Variants in MRPL48 observed in about 807,000 individuals in gnomAD.
The protein encoded by MRPL48 is mitochondrial ribosomal protein L48.
MRPL48 carries 16 observed loss-of-function variants against 32.9 expected under a neutral mutation model. The ratio of observed to expected loss-of-function variants is 0.49; its 90% CI spans 0.33 to 0.74. The LOEUF (loss-of-function observed/expected upper bound fraction) is 0.74. Ranked by LOEUF, MRPL48 falls within the 30% of genes least tolerant of loss-of-function variation. MRPL48 has a pLI of 0.02. For synonymous variants in MRPL48, 94 were observed against 89.2 expected (o/e 1.05, Z -0.31); for missense variants, 206 against 245.3 (o/e 0.84, Z 1.07).
intron 3 of MRPL48, among the ~76,000 whole-genome samples, chr11:73,822,072 G>T (rs1329963531): frequency 1.3e-5 from 2 of 152,144 alleles, no homozygotes; most frequent in Non-Finnish European, 2.9e-5. Context: ...GGGTCCTCAG[G>T]TTGGAGAGTC....
rs190269336 is a variant in MRPL48 at position 73,815,941 on chromosome 11, G to A, written c.112+7591G>A. On this transcript the variant is annotated intron_variant, in intron 3 of 7. Transcript: ENST00000310614. ...GGGTCTCCCTACGTTGCCCAGGCTG[G>A]TCTTGAAGTCCTGAGCTTAAGCAAT... Among the ~76,000 whole-genome samples the A allele has an allele frequency of 3.9e-3, 589 of 151,790 alleles. 4 individuals carry two copies. The highest frequency in any genetic ancestry group is 6.8e-3 in the Middle Eastern group (2 of 292).
chr11:73,829,925 C>T (rs954665876), intron 4 of MRPL48, among the ~76,000 whole-genome samples: 7 of 151,688 alleles, frequency 4.6e-5, no homozygotes, highest in Non-Finnish European at 8.9e-5. Context: ...CCACTACACC[C>T]GGCTCATTAT....
intron 3 of MRPL48, 119 bp downstream of exon 3, chr11:73,808,469 C>G: frequency 1.0e-6 from 1 of 960,112 alleles, no homozygotes; most frequent in Non-Finnish European, 1.6e-6. Flanking sequence ...GAACCAAACC[C>G]CACCCCTCCA....
chr11:73,845,025 T>C (rs1293692864), intron 5 of MRPL48, 49 bp downstream of exon 5: 1 of 1,544,760 alleles, frequency 6.5e-7, no homozygotes, highest in African/African-American at 1.4e-5. Context: ...GGTAGAATGC[T>C]CTGTTTTTTT....
chr11:73,850,238 CA>C (rs34826026), intron 5 of MRPL48, among the ~76,000 whole-genome samples: 8,588 of 149,900 alleles, frequency 0.057, 269 homozygotes, highest in Middle Eastern at 0.11. Flanking sequence ...ATTTTAATAA[CA>C]AAAATTTTTT....
intron 1 of MRPL48, among the ~76,000 whole-genome samples, chr11:73,802,508 A>G (rs1293806224): frequency 6.6e-6 from 1 of 152,122 alleles, no homozygotes; most frequent in African/African-American, 2.4e-5. Context: ...GCAGCCACTA[A>G]TTGACTTCCT....
At chr11:73,817,473 T>A (rs544921451) in intron 3 of MRPL48, among the ~76,000 whole-genome samples, 2 of 152,348 alleles carry the variant, frequency 1.3e-5, no homozygotes, top group Non-Finnish European at 2.9e-5. Context: ...CTTCTCTATT[T>A]GAGAATCCCT....
chr11:73,833,036 T>G (rs1250354063), intron 4 of MRPL48, among the ~76,000 whole-genome samples: 1 of 152,180 alleles, frequency 6.6e-6, no homozygotes, highest in Admixed American at 6.5e-5. Flanking sequence ...AAGCAATTCC[T>G]TCACGATGTT....
chr11:73,798,825 A>C (rs987504491), intron 1 of MRPL48, among the ~76,000 whole-genome samples: 3 of 151,892 alleles, frequency 2.0e-5, no homozygotes, highest in African/African-American at 7.3e-5. Context: ...TCACGTCTCT[A>C]CTAAAAATAC....
chr11:73,788,040 G>A, intron 1 of MRPL48, 48 bp downstream of exon 1: 1 of 1,461,400 alleles, frequency 6.8e-7, no homozygotes, highest in Non-Finnish European at 9.4e-7. Flanking sequence ...GGCGGACGGT[G>A]CAGAGAGGGG....
intron 2 of MRPL48, 91 bp downstream of exon 2, chr11:73,805,170 A>C: frequency 9.0e-7 from 1 of 1,114,362 alleles, no homozygotes. Context: ...ATTTACTTGC[A>C]TGTCTATAAG....
intron 1 of MRPL48, among the ~76,000 whole-genome samples, chr11:73,790,880 CTTTTTT>C (rs71469471): frequency 2.3e-5 from 2 of 86,408 alleles, no homozygotes; most frequent in African/African-American, 4.5e-5. Flanking sequence ...CTTTTCTGTT[CTTTTTT>C]TTTTTTTTTT....
chr11:73,813,656 G>A lies in MRPL48; in HGVS notation c.112+5306G>A, dbSNP rs570415085. On this transcript the variant is annotated intron_variant, in intron 3 of 7. Coordinates refer to ENST00000310614, the MANE Select transcript of MRPL48 (RefSeq NM_016055.6). Reference sequence around the variant, plus strand: ...TTTGTGTTTTCTCCATTAAACAGAAGCTTTAGATTTTTATATAGTTATGTT... The same window carrying A: ...TTTGTGTTTTCTCCATTAAACAGAAACTTTAGATTTTTATATAGTTATGTT... 1.9e-3 allele frequency among the ~76,000 whole-genome samples: 287 copies of A among 152,188 alleles called. 3 individuals are homozygous for A. The highest frequency in any genetic ancestry group is 6.8e-3 in the African/African-American group (283 of 41,532).
At chr11:73,816,125 G>T (rs1238905771) in intron 3 of MRPL48, among the ~76,000 whole-genome samples, 2 of 151,460 alleles carry the variant, frequency 1.3e-5, no homozygotes, top group African/African-American at 4.9e-5. Context: ...GCAGTGGCGC[G>T]ATCTCGGCTC....
At position 73,808,362 on chromosome 11, in the gene MRPL48, T is replaced by G; in HGVS notation, c.112+12T>G. 6.2e-7 allele frequency: 1 copy of G among 1,604,658 alleles called. No homozygotes were observed. Among genetic ancestry groups the G allele is most frequent in the South Asian group, 1.1e-5 (1 of 89,444 alleles). ...CATCTATTCTGTAGGTAAGCAGTTT[T>G]TACCTGATGTAGTTGGCCTGCTTTA... On this transcript the variant is annotated intron_variant, in intron 3 of 7. Transcript: ENST00000310614.
intron 4 of MRPL48, 52 bp downstream of exon 4, chr11:73,825,848 A>G (rs574794250): frequency 1.9e-5 from 27 of 1,430,726 alleles, no homozygotes; most frequent in Admixed American, 1.2e-4. Flanking sequence ...GCTTTTGCAA[A>G]AACCTGAAGA....
chr11:73,790,802 C>T (rs1431118613), intron 1 of MRPL48, among the ~76,000 whole-genome samples: 1 of 151,596 alleles, frequency 6.6e-6, no homozygotes, highest in African/African-American at 2.4e-5. Context: ...TCTGGGATTG[C>T]AGATATGAGC....
chr11:73,811,379 GT>G (rs552350377), intron 3 of MRPL48, among the ~76,000 whole-genome samples: 43 of 152,224 alleles, frequency 2.8e-4, no homozygotes, highest in Admixed American at 5.2e-4. Flanking sequence ...CTTTAAAAAA[GT>G]TTGAGACTGA....
chr11:73,814,578 C>CCAGCT (rs1947625665), intron 3 of MRPL48, among the ~76,000 whole-genome samples: 1 of 151,542 alleles, frequency 6.6e-6, no homozygotes, highest in African/African-American at 2.4e-5. Flanking sequence ...GCCTGTAATC[C>CCAGCT]CAGCTACTGA....
Sources: allele counts gnomAD v4.1 joint callset (sites outside exome capture counted in the v4.1 genomes callset), GRCh38; gene constraint gnomAD v4.1.1; transcripts MANE v1.5; gene names NCBI Gene and HGNC (gene_info 2026-07-23, HGNC 2026-07-21).